The following PCDH15 variants were observed in gnomAD, a reference collection of about 807,000 sequenced individuals.
PCDH15 encodes protocadherin related 15.
Under a neutral mutation model 178.5 loss-of-function variants are expected in PCDH15, and 129 were observed. The observed-to-expected ratio is 0.72, with a 90% confidence interval of 0.63 to 0.84. The LOEUF is 0.84. Ranked by LOEUF, PCDH15 falls within the 40% of genes least tolerant of loss-of-function variation. The pLI, the probability that PCDH15 is intolerant of heterozygous loss-of-function variation, is 0.00. For synonymous variants in PCDH15, 800 were observed against 732.0 expected (o/e 1.09, Z -1.50); for missense variants, 2,230 against 2,099.9 (o/e 1.06, Z -1.21).
intron 2 of PCDH15, among the ~76,000 whole-genome samples, chr10:54,903,752 T>C (rs1010826704): frequency 6.6e-6 from 1 of 152,112 alleles, no homozygotes; most frequent in African/African-American, 2.4e-5. Context: ...CTAAAACAAC[T>C]CAGAGGAACC....
At chr10:54,517,451 A>G (rs2082352601) in intron 3 of PCDH15, among the ~76,000 whole-genome samples, 1 of 152,134 alleles carries the variant, frequency 6.6e-6, no homozygotes, top group African/African-American at 2.4e-5. Context: ...ACAAACATCA[A>G]AAGAGACAAA....
At chr10:54,786,875 TTAC>T (rs1204881186) in intron 1 of PCDH15, among the ~76,000 whole-genome samples, 2 of 151,848 alleles carry the variant, frequency 1.3e-5, no homozygotes, top group Non-Finnish European at 2.9e-5. Flanking sequence ...CATATTATTA[TTAC>T]AATTGTTCTT....
intron 25 of PCDH15, among the ~76,000 whole-genome samples, chr10:53,932,555 T>C (rs563919015): frequency 6.6e-6 from 1 of 152,316 alleles, no homozygotes; most frequent in African/African-American, 2.4e-5. Flanking sequence ...AGGGAAAGCA[T>C]ATATTTCCCC....
intron 2 of PCDH15, among the ~76,000 whole-genome samples, chr10:54,939,563 T>G (rs571393364): frequency 6.6e-6 from 1 of 150,792 alleles, no homozygotes; most frequent in Non-Finnish European, 1.5e-5. Flanking sequence ...GTTCGTAGTA[T>G]TCATTTAAAA....
At chr10:54,983,869 C>T (rs916497405) in intron 2 of PCDH15, among the ~76,000 whole-genome samples, 2 of 152,070 alleles carry the variant, frequency 1.3e-5, no homozygotes, top group African/African-American at 4.8e-5. Context: ...TACCTCCTCC[C>T]CATTCCCTGT....
At chr10:53,996,401 C>T (rs892151116) in intron 20 of PCDH15, among the ~76,000 whole-genome samples, 3 of 152,028 alleles carry the variant, frequency 2.0e-5, no homozygotes, top group African/African-American at 4.8e-5. Flanking sequence ...TCCAATTTGG[C>T]GCTATATATG....
chr10:54,187,009 T>A (rs1291901713), intron 11 of PCDH15, among the ~76,000 whole-genome samples: 1 of 151,974 alleles, frequency 6.6e-6, no homozygotes, highest in Admixed American at 6.6e-5. Flanking sequence ...TAAGTATGAA[T>A]GTCTGCCATT....
chr10:53,931,005 G>A (rs908008354), intron 25 of PCDH15, among the ~76,000 whole-genome samples: 5 of 152,142 alleles, frequency 3.3e-5, no homozygotes, highest in Non-Finnish European at 7.4e-5. Context: ...AAGAAAATAC[G>A]GATGCTTAAC....
At chr10:54,769,456 C>G (rs1387824700) in intron 1 of PCDH15, among the ~76,000 whole-genome samples, 1 of 141,302 alleles carries the variant, frequency 7.1e-6, no homozygotes, top group Non-Finnish European at 1.5e-5. Flanking sequence ...TTTTTTTTTT[C>G]AAAAATTAGT....
intron 15 of PCDH15, among the ~76,000 whole-genome samples, chr10:54,103,662 T>A (rs2094854651): frequency 6.6e-6 from 1 of 152,188 alleles, no homozygotes; most frequent in Non-Finnish European, 1.5e-5. Flanking sequence ...TTCTCTGCAT[T>A]AAACCAAGAG....
chr10:55,054,866 C>T (rs1053372972), intron 2 of PCDH15, among the ~76,000 whole-genome samples: 1 of 151,972 alleles, frequency 6.6e-6, no homozygotes, highest in Non-Finnish European at 1.5e-5. Context: ...TAGGGGTTAT[C>T]TGTTTTCTTC....
chr10:55,576,825 A>T (rs1232844436), intron 2 of PCDH15, among the ~76,000 whole-genome samples: 1 of 152,318 alleles, frequency 6.6e-6, no homozygotes, highest in South Asian at 2.1e-4. Context: ...TTAAAACATG[A>T]GTTATTTGCA....
At chr10:54,694,491 A>C (rs2095185711) in intron 1 of PCDH15, among the ~76,000 whole-genome samples, 2 of 152,268 alleles carry the variant, frequency 1.3e-5, no homozygotes, top group South Asian at 2.1e-4. Context: ...TTACAAATTG[A>C]AGTTTTGTGG....
intron 2 of PCDH15, among the ~76,000 whole-genome samples, chr10:54,651,553 T>G (rs2094261932): frequency 1.3e-5 from 2 of 152,156 alleles, no homozygotes; most frequent in African/African-American, 4.8e-5. Flanking sequence ...GGGGAATGTA[T>G]TATCTCACTT....
intron 2 of PCDH15, among the ~76,000 whole-genome samples, chr10:55,572,301 T>C (rs1391553314): frequency 7.4e-6 from 1 of 135,020 alleles, no homozygotes; most frequent in Non-Finnish European, 1.5e-5. Flanking sequence ...TTAGAGTATA[T>C]AAAGTATAGT....
chr10:54,076,476 CTT>C (rs1469337636), intron 17 of PCDH15, among the ~76,000 whole-genome samples: 1 of 151,930 alleles, frequency 6.6e-6, no homozygotes, highest in Non-Finnish European at 1.5e-5. Context: ...CTCTCTCTCT[CTT>C]TTCTTTCTTT....
chr10:54,150,349 T>A (rs1376429274), intron 14 of PCDH15, among the ~76,000 whole-genome samples: 3 of 152,050 alleles, frequency 2.0e-5, no homozygotes, highest in Non-Finnish European at 4.4e-5. Context: ...CTGCAAAGTT[T>A]AGTTACAGTC....
At chr10:54,125,698 C>T (rs1369176533) in intron 15 of PCDH15, among the ~76,000 whole-genome samples, 1 of 152,070 alleles carries the variant, frequency 6.6e-6, no homozygotes, top group African/African-American at 2.4e-5. Flanking sequence ...GTTACTTCTG[C>T]TTTGTTGGGA....
rs2384444 is a variant in PCDH15, at chr10:54,302,056, A to G, written c.876+15215T>C. Among the ~76,000 whole-genome samples the G allele has an allele frequency of 6.5e-3, 997 of 152,306 alleles. 15 individuals carry two copies. Among genetic ancestry groups the G allele is most frequent in the African/African-American group, 0.023 (965 of 41,562 alleles). On this transcript the variant is annotated intron_variant, in intron 8 of 37. Transcript: ENST00000644397. ...GTAAAACCATTTTTTTAAAATTCCC[A>G]TCAAAATCAACATAACATACTGTTT...
Sources: allele counts gnomAD v4.1 joint callset (sites outside exome capture counted in the v4.1 genomes callset), GRCh38; gene constraint gnomAD v4.1.1; transcripts MANE v1.5; gene names NCBI Gene and HGNC (gene_info 2026-07-23, HGNC 2026-07-21).